Variants in NEMP2 observed in about 807,000 individuals in gnomAD.
The protein encoded by NEMP2 is nuclear envelope integral membrane protein 2, also known as UPF0571 transmembrane protein.
Under a neutral mutation model 54.2 loss-of-function variants are expected in NEMP2, and 53 were observed. That is an observed-to-expected ratio of 0.98 (90% CI 0.78 to 1.23). NEMP2 has a LOEUF of 1.23. Ranked by LOEUF, NEMP2 falls within the 50% of genes most tolerant of loss-of-function variation. The probability of loss-of-function intolerance (pLI) is 0.00; values close to 1 mark genes in which losing one functional copy is unlikely to be tolerated. For synonymous variants in NEMP2, 197 were observed against 190.3 expected, an observed-to-expected ratio of 1.04 and a Z score of -0.29; for missense variants, 455 against 511.3, an observed-to-expected ratio of 0.89 and a Z score of 1.06.
intron 1 of NEMP2, among the ~76,000 whole-genome samples, chr2:190,532,555 T>A (rs959836690): frequency 2.6e-5 from 4 of 152,200 alleles, no homozygotes; most frequent in Admixed American, 1.3e-4. Flanking sequence ...AACTACCTGC[T>A]CCTCCTGTGT....
At chr2:190,645,945 G>A in the NEMP2 span, among the ~76,000 whole-genome samples, 1 of 152,180 alleles carries the variant, frequency 6.6e-6, no homozygotes, top group Non-Finnish European at 1.5e-5. Context: ...TTATAGCAAA[G>A]CCCTGCGGGC....
chr2:190,445,196 A>C, the NEMP2 span, among the ~76,000 whole-genome samples: 1 of 152,296 alleles, frequency 6.6e-6, no homozygotes, highest in Admixed American at 6.5e-5. Context: ...TCTCATATTA[A>C]AGAGAATTAC....
chr2:190,443,732 T>C, the NEMP2 span, among the ~76,000 whole-genome samples: 1 of 152,196 alleles, frequency 6.6e-6, no homozygotes, highest in Non-Finnish European at 1.5e-5. This position sits in a 1 kb window ranked among gnomAD's most constrained non-coding sequence, Gnocchi z 4.2. Flanking sequence ...TAATAGAATC[T>C]TTTGCTCTTA....
chr2:190,612,152 C>CTTTTTTT, the NEMP2 span, among the ~76,000 whole-genome samples: 3 of 115,802 alleles, frequency 2.6e-5, no homozygotes, highest in Non-Finnish European at 1.7e-5. Flanking sequence ...AAACATCCCT[C>CTTTTTTT]TTTTTTTTTT....
At chr2:190,546,189 A>C in the NEMP2 span, among the ~76,000 whole-genome samples, 1 of 152,220 alleles carries the variant, frequency 6.6e-6, no homozygotes, top group Non-Finnish European at 1.5e-5. This position sits in a 1 kb window ranked among gnomAD's most constrained non-coding sequence, Gnocchi z 5.1. Flanking sequence ...TTCCGCATCC[A>C]TGGCCTTACT....
At position 190,509,148 on chromosome 2, in the gene NEMP2, C is replaced by A; in HGVS notation, c.*41G>T. The A allele has an allele frequency of 6.5e-7, 1 of 1,548,860 alleles. No homozygotes were observed. The highest frequency in any genetic ancestry group is 1.2e-5 in the South Asian group (1 of 83,732). ...TTTAATAGAATCCCTGCCCTTTGCCCACTTCCTTGTCCAGAATGAAGTCAA... is the reference window on the plus strand; with the variant it reads ...TTTAATAGAATCCCTGCCCTTTGCCAACTTCCTTGTCCAGAATGAAGTCAA... On this transcript the variant is annotated 3_prime_UTR_variant, in exon 9 of 9. Coordinates refer to ENST00000409150, the MANE Select transcript of NEMP2 (RefSeq NM_001142645.2). The surrounding 1 kb of genome is among the most constrained non-coding windows in gnomAD (Gnocchi z 6.1).
At chr2:190,423,380 T>C in the NEMP2 span, among the ~76,000 whole-genome samples, 1 of 152,244 alleles carries the variant, frequency 6.6e-6, no homozygotes, top group African/African-American at 2.4e-5. The surrounding 1 kb of genome is among the most constrained non-coding windows in gnomAD (Gnocchi z 4.3). Context: ...AATAGAATCA[T>C]ACAGTATGTA....
chr2:190,572,834 TATATATA>T, the NEMP2 span, among the ~76,000 whole-genome samples: 3 of 37,768 alleles, frequency 7.9e-5, no homozygotes, highest in Admixed American at 7.9e-4. Context: ...TTTTCATGAG[TATATATA>T]TATATATATA....
rs1690791651 is a variant in NEMP2, at chr2:190,522,629, T to C, written c.213+2634A>G. 6.6e-6 allele frequency among the ~76,000 whole-genome samples: 1 copy of C among 152,118 alleles called. No individual in the cohort carries two copies. Among genetic ancestry groups the C allele is most frequent in the Admixed American group, 6.5e-5 (1 of 15,270 alleles). On this transcript the variant is annotated intron_variant, in intron 2 of 8. Transcript: ENST00000409150. The surrounding 1 kb of genome is among the most constrained non-coding windows in gnomAD (Gnocchi z 5.0). ...CATTATGCCCTCCTCCCTTTTGGAA[T>C]TCAGGAAAAACCAACCAGCATTTAA...
chr2:190,510,670 A>T lies in NEMP2; in HGVS notation c.954-133T>A. 2 of 794,290 alleles carry T rather than the reference A, an allele frequency of 2.5e-6. No homozygotes were observed. Among genetic ancestry groups the T allele is most frequent in the Non-Finnish European group, 4.0e-6 (2 of 495,326 alleles). 49.2% of individuals were successfully genotyped at this position (794,290 alleles called of 1,614,324 possible). A position where few individuals can be genotyped will look rare whatever the true frequency, so the allele number is the denominator to read the frequency against. On this transcript the variant is annotated intron_variant, in intron 7 of 8. Coordinates refer to ENST00000409150, the MANE Select transcript of NEMP2 (RefSeq NM_001142645.2). The surrounding 1 kb of genome is among the most constrained non-coding windows in gnomAD (Gnocchi z 5.7). Reference sequence around the variant, plus strand: ...GCCTGGGGAGGCGGATCACGAGGTCAGGAGATTGAGACGGTCCTGGCTAAC... The same window carrying T: ...GCCTGGGGAGGCGGATCACGAGGTCTGGAGATTGAGACGGTCCTGGCTAAC...
the NEMP2 span, among the ~76,000 whole-genome samples, chr2:190,451,685 A>G: frequency 2.0e-5 from 3 of 152,204 alleles, no homozygotes; most frequent in Non-Finnish European, 4.4e-5. This position sits in a 1 kb window ranked among gnomAD's most constrained non-coding sequence, Gnocchi z 5.0. Flanking sequence ...AGAGTCCTGA[A>G]TGGAAGCCCC....
rs1420291421 is a variant in NEMP2 at position 190,523,591 on chromosome 2, A to C, written c.213+1672T>G. Among the ~76,000 whole-genome samples the C allele has an allele frequency of 7.7e-6, 1 of 129,334 alleles. No homozygotes were observed. The highest frequency in any genetic ancestry group is 2.2e-4 in the East Asian group (1 of 4,468). The allele number at this position is 129,334 out of a possible 152,430, so 84.8% of individuals were successfully genotyped here. A position where few individuals can be genotyped will look rare whatever the true frequency, so the allele number is the denominator to read the frequency against. On this transcript the variant is annotated intron_variant, in intron 2 of 8. Coordinates refer to ENST00000409150, the MANE Select transcript of NEMP2 (RefSeq NM_001142645.2). This position sits in a 1 kb window ranked among gnomAD's most constrained non-coding sequence, Gnocchi z 5.3. ...ATGCTAGTAGCAATGAACACACCTA[A>C]TGTTGACTGTTCCTTGGAAAAAAAA...
the NEMP2 span, among the ~76,000 whole-genome samples, chr2:190,448,173 T>A: frequency 6.6e-6 from 1 of 152,170 alleles, no homozygotes; most frequent in Non-Finnish European, 1.5e-5. Flanking sequence ...ATGGTCAAAG[T>A]GTATGGTAGA....
chr2:190,630,305 C>CGT, the NEMP2 span, among the ~76,000 whole-genome samples: 2 of 152,226 alleles, frequency 1.3e-5, no homozygotes. The surrounding 1 kb of genome is among the most constrained non-coding windows in gnomAD (Gnocchi z 5.5). Context: ...GCAACTTCTG[C>CGT]CTCCTGGGTT....
Position 190,519,282 on chromosome 2 carries a change from C to T in NEMP2, c.214-99G>A. 1.2e-6 allele frequency: 1 copy of T among 828,652 alleles called. No homozygotes were observed. The highest frequency in any genetic ancestry group is 2.7e-5 in the East Asian group (1 of 37,406). 51.3% of individuals were successfully genotyped at this position (828,652 alleles called of 1,614,324 possible). On this transcript the variant is annotated intron_variant, in intron 2 of 8. Transcript: ENST00000409150. This position sits in a 1 kb window ranked among gnomAD's most constrained non-coding sequence, Gnocchi z 5.4. ...TGTTGCCCAGAATGGAGTGCAGTGG[C>T]AGGATCTCTGCTCACTGCAACCTGT...
At chr2:190,465,539 T>G in the NEMP2 span, among the ~76,000 whole-genome samples, 1 of 152,174 alleles carries the variant, frequency 6.6e-6, no homozygotes, top group Non-Finnish European at 1.5e-5. This position sits in a 1 kb window ranked among gnomAD's most constrained non-coding sequence, Gnocchi z 4.6. Flanking sequence ...CCTGAACATA[T>G]GCTCATATTC....
the NEMP2 span, chr2:190,489,738 T>G: frequency 1.9e-6 from 3 of 1,587,660 alleles, no homozygotes; most frequent in Non-Finnish European, 2.6e-6. The surrounding 1 kb of genome is among the most constrained non-coding windows in gnomAD (Gnocchi z 6.6). Flanking sequence ...TTCTTGGAAT[T>G]ACTCTATAGA....
the NEMP2 span, among the ~76,000 whole-genome samples, chr2:190,466,742 TTTTC>T: frequency 6.6e-6 from 1 of 152,196 alleles, no homozygotes; most frequent in Non-Finnish European, 1.5e-5. Flanking sequence ...TTATTTTGTG[TTTTC>T]TTTTTTAGGG....
chr2:190,548,342 G>A, the NEMP2 span, among the ~76,000 whole-genome samples: 1 of 152,118 alleles, frequency 6.6e-6, no homozygotes, highest in African/African-American at 2.4e-5. Flanking sequence ...AATAGGCCAA[G>A]GAAAATTTTA....
Sources: allele counts gnomAD v4.1 joint callset (sites outside exome capture counted in the v4.1 genomes callset), GRCh38; gene constraint gnomAD v4.1.1; non-coding constraint Gnocchi (gnomAD v3.1); transcripts MANE v1.5; gene names NCBI Gene and HGNC (gene_info 2026-07-23, HGNC 2026-07-21).